Variants in STOX2 observed in about 807,000 individuals in gnomAD.
STOX2 encodes the protein storkhead-box protein 2.
STOX2 carries 28 observed loss-of-function variants against 60.9 expected under a neutral mutation model. That is an observed-to-expected ratio of 0.46 (90% CI 0.34 to 0.63). STOX2 has a LOEUF of 0.63. STOX2 is among the 30% of genes least tolerant of loss of function. The pLI is 0.01. For synonymous variants in STOX2, 472 were observed against 463.9 expected, an observed-to-expected ratio of 1.02 and a Z score of -0.22; for missense variants, 1,024 against 1,187.7, an observed-to-expected ratio of 0.86 and a Z score of 2.03.
At chr4:183,819,024 G>GC (rs1251467725) in intron 1 of STOX2, among the ~76,000 whole-genome samples, 75 of 152,062 alleles carry the variant, frequency 4.9e-4, no homozygotes, top group African/African-American at 1.6e-3. Flanking sequence ...TCCTAGATGG[G>GC]ATGGCGGCTG....
chr4:184,004,990 G>A (rs1326555406), intron 2 of STOX2, among the ~76,000 whole-genome samples: 1 of 152,164 alleles, frequency 6.6e-6, no homozygotes, highest in East Asian at 1.9e-4. Context: ...ACTGTGTTCT[G>A]TCTCCCATTC....
At chr4:183,819,024 G>A (rs868013670) in intron 1 of STOX2, among the ~76,000 whole-genome samples, 1 of 151,996 alleles carries the variant, frequency 6.6e-6, no homozygotes, top group Admixed American at 6.6e-5. Flanking sequence ...TCCTAGATGG[G>A]ATGGCGGCTG....
At chr4:183,870,341 TC>T (rs1334988254) in intron 1 of STOX2, among the ~76,000 whole-genome samples, 7 of 152,360 alleles carry the variant, frequency 4.6e-5, no homozygotes, top group African/African-American at 1.4e-4. Flanking sequence ...AAAGCGTTGT[TC>T]AACCCTAAAA....
chr4:183,988,952 T>G (rs1017723641), intron 1 of STOX2, among the ~76,000 whole-genome samples: 1 of 152,146 alleles, frequency 6.6e-6, no homozygotes. Context: ...GCCTCAATCT[T>G]AGGCAGTCCA....
intron 1 of STOX2, among the ~76,000 whole-genome samples, chr4:183,847,537 G>A (rs1254687884): frequency 6.6e-6 from 1 of 152,134 alleles, no homozygotes; most frequent in Admixed American, 6.5e-5. Flanking sequence ...CACCAGACAG[G>A]TTAAAAGAAA....
chr4:183,806,339 A>T lies in STOX2; in HGVS notation c.364+8284A>T, dbSNP rs537415279. Among the ~76,000 whole-genome samples the T allele has an allele frequency of 2.0e-5, 3 of 152,238 alleles. No individual in the cohort carries two copies. Among genetic ancestry groups the T allele is most frequent in the African/African-American group, 7.2e-5 (3 of 41,546 alleles). ...GGAAGCACATGATGTCCCTTAGTCT[A>T]GCTCTCTGGCATGGAAGCTGGGGAT... On this transcript the variant is annotated intron_variant, in intron 1 of 2. Transcript: ENST00000513034. The surrounding 1 kb of genome is among the most constrained non-coding windows in gnomAD (Gnocchi z 4.1).
chr4:183,984,980 G>T (rs1732786812), intron 1 of STOX2, among the ~76,000 whole-genome samples: 1 of 152,146 alleles, frequency 6.6e-6, no homozygotes, highest in Non-Finnish European at 1.5e-5. Flanking sequence ...GGCCAATGGT[G>T]TCCATTATGA....
At chr4:183,968,830 G>T (rs1291287985) in intron 1 of STOX2, among the ~76,000 whole-genome samples, 1 of 152,042 alleles carries the variant, frequency 6.6e-6, no homozygotes, top group Non-Finnish European at 1.5e-5. Context: ...GAAGGTAAAT[G>T]GTATAACACA....
intron 1 of STOX2, among the ~76,000 whole-genome samples, chr4:183,976,518 GCAGC>G (rs1732451825): frequency 1.4e-5 from 2 of 146,174 alleles, no homozygotes; most frequent in Non-Finnish European, 3.0e-5. Flanking sequence ...ACAAAAATCT[GCAGC>G]TATGATAGCT....
rs1236994041 is a variant in STOX2, at chr4:183,907,045, G to A, written c.166+89G>A. On this transcript the variant is annotated intron_variant, in intron 1 of 3. Transcript: ENST00000308497. The stretch of plus-strand genomic sequence containing the variant: ...GCCCGGGTGCTTGGAGGAGAGGACG[G>A]GCAGTGATGGATGCGATAAGTTATG... 2.6e-6 allele frequency: 3 copies of A among 1,134,076 alleles called. No individual in the cohort carries two copies. In the East Asian group the frequency reaches 7.9e-5, roughly 30 times the overall value. 70.3% of individuals were successfully genotyped at this position (1,134,076 alleles called of 1,614,324 possible).
At chr4:183,942,803 A>T (rs1370652459) in intron 1 of STOX2, among the ~76,000 whole-genome samples, 1 of 152,174 alleles carries the variant, frequency 6.6e-6, no homozygotes, top group East Asian at 1.9e-4. Context: ...CTTTAAAAAA[A>T]AACTTTTTTA....
At chr4:183,851,425 G>C (rs1740133431) in intron 1 of STOX2, among the ~76,000 whole-genome samples, 1 of 83,908 alleles carries the variant, frequency 1.2e-5, no homozygotes, top group Non-Finnish European at 2.5e-5. Context: ...ATGAGGGAAA[G>C]GATGAGAGAA....
At chr4:184,014,825 G>A (rs190143782) in intron 3 of STOX2, 45 of 152,212 alleles carry the variant, frequency 3.0e-4, no homozygotes, top group Admixed American at 6.5e-4. Flanking sequence ...TCTTACAGTA[G>A]AGACAGACCC....
chr4:183,852,043 GA>G (rs1740155980), intron 1 of STOX2, among the ~76,000 whole-genome samples: 3 of 85,080 alleles, frequency 3.5e-5, no homozygotes, highest in African/African-American at 1.3e-4. Flanking sequence ...GAAAGGATGA[GA>G]GAAACGATGA....
At chr4:183,968,139 C>A (rs1433438137) in intron 1 of STOX2, among the ~76,000 whole-genome samples, 1 of 152,128 alleles carries the variant, frequency 6.6e-6, no homozygotes, top group Non-Finnish European at 1.5e-5. Flanking sequence ...CCTTTTCCCT[C>A]CCATCTTTCT....
intron 1 of STOX2, among the ~76,000 whole-genome samples, chr4:183,863,067 C>T (rs985497301): frequency 6.6e-6 from 1 of 152,194 alleles, no homozygotes; most frequent in Non-Finnish European, 1.5e-5. Context: ...AACAAGCCAA[C>T]TCCTGCAGGA....
At chr4:183,939,999 G>A (rs1449708499) in intron 1 of STOX2, among the ~76,000 whole-genome samples, 1 of 152,212 alleles carries the variant, frequency 6.6e-6, no homozygotes, top group Admixed American at 6.5e-5. Flanking sequence ...CGCCTCCCGG[G>A]TTCAAGTGAT....
rs747168103 is a variant in STOX2, at chr4:184,017,318, G to C, written c.*34G>C. The stretch of plus-strand genomic sequence containing the variant: ...CTGCCTCAGATCTTCTGTCTCATTC[G>C]ATACAGCAAAGTTTACGACACTGGG... On this transcript the variant is annotated 3_prime_UTR_variant, in exon 4 of 4. Coordinates refer to ENST00000308497, the MANE Select transcript of STOX2 (RefSeq NM_020225.3). The C allele has an allele frequency of 3.9e-6, 6 of 1,534,512 alleles. No homozygotes were observed. The highest frequency in any genetic ancestry group is 1.2e-5 in the South Asian group (1 of 80,734).
At chr4:183,907,517 A>C (rs1437899178) in intron 1 of STOX2, among the ~76,000 whole-genome samples, 1 of 152,230 alleles carries the variant, frequency 6.6e-6, no homozygotes, top group Non-Finnish European at 1.5e-5. Context: ...TTGAATGCTC[A>C]CATGATTCTG....
Sources: gnomAD v4.1 joint callset for allele counts (sites outside exome capture counted in the v4.1 genomes callset) on GRCh38, gnomAD v4.1.1 for gene constraint, Gnocchi (gnomAD v3.1) non-coding constraint, MANE v1.5 for transcripts, NCBI Gene and HGNC (gene_info 2026-07-23, HGNC 2026-07-21) for gene names.